The following MFSD6 variants were observed in gnomAD, a reference collection of about 807,000 sequenced individuals.
MFSD6 encodes major facilitator superfamily domain containing 6.
A neutral mutation model predicts 56.3 loss-of-function variants in MFSD6; 26 were observed. The observed-to-expected ratio is 0.46, with a 90% CI of 0.34 to 0.64. The LOEUF (loss-of-function observed/expected upper bound fraction) is 0.64. Ranked by LOEUF, MFSD6 falls within the 30% of genes least tolerant of loss-of-function variation. The pLI, the probability that MFSD6 is intolerant of heterozygous loss-of-function variation, is 0.01. For synonymous variants in MFSD6, 331 were observed against 366.9 expected, an observed-to-expected ratio of 0.90 and a Z score of 1.12; for missense variants, 750 against 986.2, an observed-to-expected ratio of 0.76 and a Z score of 3.21.
intron 1 of MFSD6, chr2:190,411,682 A>G: frequency 1.0e-6 from 1 of 985,284 alleles, no homozygotes. Context: ...AATGTTAGGG[A>G]AGTGAAATGA....
At chr2:190,435,092 A>T (rs1266728406) in intron 2 of MFSD6, among the ~76,000 whole-genome samples, 4 of 152,310 alleles carry the variant, frequency 2.6e-5, no homozygotes, top group African/African-American at 9.6e-5. Flanking sequence ...AGGAAAAATT[A>T]TCTTCCATGA....
Position 190,497,061 on chromosome 2 carries a change from A to G in MFSD6, c.1892-378A>G, listed in dbSNP as rs1444611885. ...GTTCCCCAAAAACCTGTGGGAATAA[A>G]ACATTTTTTAAAAAATAACTATCAC... On this transcript the variant is annotated intron_variant, in intron 6 of 7. Coordinates refer to ENST00000392328, the MANE Select transcript of MFSD6 (RefSeq NM_017694.4). The surrounding 1 kb of genome is among the most constrained non-coding windows in gnomAD (Gnocchi z 5.2). 6.6e-6 allele frequency among the ~76,000 whole-genome samples: 1 copy of G among 152,214 alleles called. No individual in the cohort carries two copies. The highest frequency in any genetic ancestry group is 2.4e-5 in the African/African-American group (1 of 41,462).
intron 3 of MFSD6, among the ~76,000 whole-genome samples, chr2:190,449,911 G>A (rs1019985184): frequency 4.6e-5 from 7 of 152,202 alleles, no homozygotes; most frequent in Non-Finnish European, 8.8e-5. Flanking sequence ...TATACCTAAT[G>A]CTAAATGACG....
intron 4 of MFSD6, among the ~76,000 whole-genome samples, chr2:190,481,262 T>C (rs1688648842): frequency 6.6e-6 from 1 of 152,236 alleles, no homozygotes; most frequent in East Asian, 1.9e-4. Context: ...CCCTAGAACA[T>C]TGTTACATCA....
chr2:190,420,011 G>C (rs973399892), intron 2 of MFSD6, among the ~76,000 whole-genome samples: 1 of 152,098 alleles, frequency 6.6e-6, no homozygotes, highest in Admixed American at 6.6e-5. Context: ...AGATCATAAA[G>C]TTAATTCTGT....
intron 3 of MFSD6, among the ~76,000 whole-genome samples, chr2:190,446,387 G>A (rs961865554): frequency 2.0e-5 from 3 of 152,160 alleles, no homozygotes; most frequent in East Asian, 1.9e-4. Context: ...TGTTCTGTCC[G>A]ACAGAAAGGC....
At chr2:190,470,903 G>GTA (rs148619709) in intron 4 of MFSD6, among the ~76,000 whole-genome samples, 21,939 of 150,906 alleles carry the variant, frequency 0.15, 1,642 homozygotes, top group Middle Eastern at 0.18. Context: ...TAAAATTCAA[G>GTA]TATATATATA....
In MFSD6 at chr2:190,436,760, C is replaced by T. The variant is rs766973631; in HGVS notation, c.731C>T (p.Ser244Leu). The T allele has an allele frequency of 6.2e-7, 1 of 1,614,212 alleles. No individual in the cohort carries two copies. Among genetic ancestry groups the T allele is most frequent in the Non-Finnish European group, 8.5e-7 (1 of 1,180,032 alleles). ...TNRMMDLTLN[S>L]STATPVSPGS... ...CGTATGATGGACTTGACTTTGAACT[C>T]AAGCACAGCAACCCCTGTCTCCCCA... Residue 244 changes from serine (S) to leucine (L), a missense_variant, in exon 3 of 8, where the codon TCA becomes TTA. Physicochemically the swap from Ser to Leu is moderately radical, Grantham distance 145. Coordinates refer to ENST00000392328, the MANE Select transcript of MFSD6 (RefSeq NM_017694.4). The surrounding 1 kb of genome is among the most constrained non-coding windows in gnomAD (Gnocchi z 5.3).
chr2:190,486,592 C>A (rs775275335), intron 4 of MFSD6, among the ~76,000 whole-genome samples: 1 of 152,206 alleles, frequency 6.6e-6, no homozygotes, highest in Non-Finnish European at 1.5e-5. Flanking sequence ...TTGCTGATGT[C>A]CCTCAGGAAC....
At chr2:190,432,257 C>G (rs1180792739) in intron 2 of MFSD6, among the ~76,000 whole-genome samples, 1 of 152,196 alleles carries the variant, frequency 6.6e-6, no homozygotes, top group Non-Finnish European at 1.5e-5. Context: ...GGATGGAAGT[C>G]TTGCCAGCCT....
In MFSD6 at chr2:190,488,045, G is replaced by C. The variant is rs1387870594; in HGVS notation, c.1631-612G>C. Among the ~76,000 whole-genome samples, 1 of 152,140 alleles carries C rather than the reference G, an allele frequency of 6.6e-6. No homozygotes were observed. Among genetic ancestry groups the C allele is most frequent in the Admixed American group, 6.5e-5 (1 of 15,282 alleles). ...AGCCTCCCGAGTAGCTGGGACTATA[G>C]GCGTGCACCACCACGCCAGGCTAAT... On this transcript the variant is annotated intron_variant, in intron 4 of 7. Coordinates refer to ENST00000392328, the MANE Select transcript of MFSD6 (RefSeq NM_017694.4). The surrounding 1 kb of genome is among the most constrained non-coding windows in gnomAD (Gnocchi z 6.4).
chr2:190,416,601 C>T lies in MFSD6; in HGVS notation c.-54+1188C>T, dbSNP rs1046426402. The stretch of plus-strand genomic sequence containing the variant: ...AGATGGATGAAATACTAGCCTAGTT[C>T]AAGGGTGGTGCCAAATAATTCTGGG... On this transcript the variant is annotated intron_variant, in intron 2 of 7. Coordinates refer to ENST00000392328, the MANE Select transcript of MFSD6 (RefSeq NM_017694.4). The surrounding 1 kb of genome is among the most constrained non-coding windows in gnomAD (Gnocchi z 4.1). Among the ~76,000 whole-genome samples the T allele has an allele frequency of 1.3e-5, 2 of 152,122 alleles. No individual in the cohort carries two copies. Among genetic ancestry groups the T allele is most frequent in the Non-Finnish European group, 2.9e-5 (2 of 68,022 alleles).
rs372258727 is a variant in MFSD6 at position 190,494,034 on chromosome 2, GA to G, written c.1892-3397del. 5.4e-5 allele frequency among the ~76,000 whole-genome samples: 8 copies of G among 148,430 alleles called. No homozygotes were observed. The highest frequency in any genetic ancestry group is 1.5e-4 in the African/African-American group (6 of 40,428). On this transcript the variant is annotated intron_variant, in intron 6 of 7. Transcript: ENST00000392328. The surrounding 1 kb of genome is among the most constrained non-coding windows in gnomAD (Gnocchi z 5.7). ...AGAGAATAACTAAATGAAATTGAAG[GA>G]AAAAAAATACAAAAAATAAATGAAA...
chr2:190,477,697 T>A (rs1688419724), intron 4 of MFSD6, among the ~76,000 whole-genome samples: 1 of 152,236 alleles, frequency 6.6e-6, no homozygotes, highest in Non-Finnish European at 1.5e-5. Context: ...CCACAAGGTC[T>A]CACCAACTGT....
Position 190,471,488 on chromosome 2 carries a change from C to G in MFSD6, c.1630+1633C>G, listed in dbSNP as rs1687926295. On this transcript the variant is annotated intron_variant, in intron 4 of 7. Transcript: ENST00000392328. This position sits in a 1 kb window ranked among gnomAD's most constrained non-coding sequence, Gnocchi z 4.7. ...GGTCCTACGCCCACGGAGCCTCCCT[C>G]ATTGCTAGCACAGCAGTCTGAGATC... 6.6e-6 allele frequency among the ~76,000 whole-genome samples: 1 copy of G among 152,196 alleles called. No individual in the cohort carries two copies. The highest frequency in any genetic ancestry group is 1.5e-5 in the Non-Finnish European group (1 of 68,036).
rs1318252947 is a variant in MFSD6, at chr2:190,490,685, T to C, written c.1891+819T>C. On this transcript the variant is annotated intron_variant, in intron 6 of 7. Transcript: ENST00000392328. This position sits in a 1 kb window ranked among gnomAD's most constrained non-coding sequence, Gnocchi z 4.5. ...GGAGGTTATATCAAATATTAATATG[T>C]AGATGAGAATGAGCTGACTCAACTT... Among the ~76,000 whole-genome samples the C allele has an allele frequency of 1.3e-5, 2 of 152,364 alleles. No homozygotes were observed. Among genetic ancestry groups the C allele is most frequent in the South Asian group, 4.1e-4 (2 of 4,834 alleles).
rs1042636975 is a variant in MFSD6 at position 190,458,760 on chromosome 2, T to C, written c.1533-10998T>C. 6.6e-6 allele frequency among the ~76,000 whole-genome samples: 1 copy of C among 152,148 alleles called. No homozygotes were observed. The highest frequency in any genetic ancestry group is 1.5e-5 in the Non-Finnish European group (1 of 68,034). Reference sequence around the variant, plus strand: ...CTTAAGTAAAATGGGGACTGTATTGTCCAATTGAGAAGTCCAGCAAATGAC... The same window carrying C: ...CTTAAGTAAAATGGGGACTGTATTGCCCAATTGAGAAGTCCAGCAAATGAC... On this transcript the variant is annotated intron_variant, in intron 3 of 7. Coordinates refer to ENST00000392328, the MANE Select transcript of MFSD6 (RefSeq NM_017694.4). The surrounding 1 kb of genome is among the most constrained non-coding windows in gnomAD (Gnocchi z 5.3).
intron 4 of MFSD6, among the ~76,000 whole-genome samples, chr2:190,479,578 C>A (rs920288912): frequency 4.6e-5 from 7 of 152,154 alleles, no homozygotes; most frequent in African/African-American, 1.7e-4. Flanking sequence ...AAAGCCCAAA[C>A]TTGTTATTCT....
intron 4 of MFSD6, among the ~76,000 whole-genome samples, chr2:190,481,830 A>G (rs985465833): frequency 5.3e-5 from 8 of 152,200 alleles, no homozygotes; most frequent in Non-Finnish European, 1.0e-4. Context: ...CAGAAGATCC[A>G]TGCTGCTGCT....
Sources: allele counts gnomAD v4.1 joint callset (sites outside exome capture counted in the v4.1 genomes callset), GRCh38; gene constraint gnomAD v4.1.1; non-coding constraint Gnocchi (gnomAD v3.1); transcripts MANE v1.5; gene names NCBI Gene and HGNC (gene_info 2026-07-23, HGNC 2026-07-21).